The following ZNF518A variants were observed in gnomAD, a reference collection of about 807,000 sequenced individuals.
ZNF518A encodes zinc finger protein 518.
Under a neutral mutation model 102.7 loss-of-function variants are expected in ZNF518A, and 47 were observed. That is an observed-to-expected ratio of 0.46 (90% CI 0.36 to 0.58). The LOEUF (loss-of-function observed/expected upper bound fraction) is 0.58, where lower values mean the gene tolerates loss of function less well. Among genes scored for constraint, ZNF518A ranks in the 20% least tolerant of loss-of-function variants. The probability of loss-of-function intolerance (pLI) is 0.00; values close to 1 mark genes in which losing one functional copy is unlikely to be tolerated. For missense variants in ZNF518A, 1,793 were observed against 1,699.8 expected, an observed-to-expected ratio of 1.05 and a Z score of -0.96; for synonymous variants, 652 against 594.6, an observed-to-expected ratio of 1.10 and a Z score of -1.40.
At position 96,157,801 on chromosome 10, in the gene ZNF518A, A is replaced by G. The variant is rs1554883830; in HGVS notation, c.1479A>G (p.Gly493=). The part of the protein sequence containing the change: ...NLQPQTLDTN[G]FLTGVTTELN... Reference sequence around the variant, plus strand: ...AGCCCCAGACTTTGGACACTAATGGATTTTTAACAGGAGTAACAACTGAGT... The same window carrying G: ...AGCCCCAGACTTTGGACACTAATGGGTTTTTAACAGGAGTAACAACTGAGT... Residue 493 remains glycine, a synonymous_variant, in exon 6 of 6, where the codon GGA becomes GGG. Coordinates refer to ENST00000316045, the MANE Select transcript of ZNF518A (RefSeq NM_001330736.2). 1 of 1,613,886 alleles carries G rather than the reference A, an allele frequency of 6.2e-7. No homozygotes were observed. Among genetic ancestry groups the G allele is most frequent in the South Asian group, 1.1e-5 (1 of 91,076 alleles).
At position 96,158,120 on chromosome 10, in the gene ZNF518A, A is replaced by G. The variant is rs782611746; in HGVS notation, c.1798A>G (p.Lys600Glu). Reference protein sequence around the residue: ...VLGTTIKSPDKVNCVAKPNAY... With the variant: ...VLGTTIKSPDEVNCVAKPNAY... The stretch of plus-strand genomic sequence containing the variant: ...AGGTACCACCATTAAAAGTCCAGAT[A>G]AAGTCAACTGTGTTGCCAAACCAAA... The change falls in exon 6 of 6, where the codon AAA becomes GAA. Residue 600 changes from lysine to glutamate, a missense_variant. Physicochemically the swap from Lys to Glu is moderately conservative, Grantham distance 56. Around this residue, in one of 3 missense-constraint regions of ZNF518A, gnomAD observed 1,741 missense variants for 1,622.6 expected, o/e 1.07. Coordinates refer to ENST00000316045, the MANE Select transcript of ZNF518A (RefSeq NM_001330736.2). 2 of 1,613,596 alleles carry G rather than the reference A, an allele frequency of 1.2e-6. No homozygotes were observed. Among genetic ancestry groups the G allele is most frequent in the South Asian group, 2.2e-5 (2 of 91,060 alleles).
At chr10:96,168,755 A>T (rs2083157574), downstream of ZNF518A, among the ~76,000 whole-genome samples, 1 of 151,232 alleles carries the variant, frequency 6.6e-6, no homozygotes, top group South Asian at 2.1e-4. Context: ...GGATGTGATG[A>T]CTCACTTCTT....
Position 96,161,133 on chromosome 10 carries a change from T to C in ZNF518A, c.*359T>C, listed in dbSNP as rs587759423. 2.2e-5 allele frequency: 4 copies of C among 180,568 alleles called. No homozygotes were observed. In the East Asian group the frequency reaches 6.8e-4, roughly 31 times the overall value. 11.2% of individuals were successfully genotyped at this position (180,568 alleles called of 1,614,324 possible). On this transcript the variant is annotated 3_prime_UTR_variant, in exon 6 of 6. Coordinates refer to ENST00000316045, the MANE Select transcript of ZNF518A (RefSeq NM_001330736.2). ...TGGCTGACACCCCCATTCCCTCTCT[T>C]CTTCCACCAGCCTTATGCATCTAAG...
intron 1 of ZNF518A, among the ~76,000 whole-genome samples, chr10:96,173,703 T>C (rs1010997448): frequency 5.3e-5 from 8 of 152,126 alleles, no homozygotes; most frequent in Non-Finnish European, 8.8e-5. Flanking sequence ...TACTCCACTT[T>C]GCATAAATGA....
At chr10:96,140,956 G>C (rs1214331102) in intron 3 of ZNF518A, among the ~76,000 whole-genome samples, 3 of 151,910 alleles carry the variant, frequency 2.0e-5, no homozygotes, top group African/African-American at 7.3e-5. Flanking sequence ...AAAAAAAGAT[G>C]GGGGGTTGTG....
intron 3 of ZNF518A, among the ~76,000 whole-genome samples, chr10:96,154,995 G>A (rs1376843376): frequency 4.6e-5 from 7 of 152,096 alleles, no homozygotes; most frequent in African/African-American, 9.7e-5. Flanking sequence ...TTATGGATGA[G>A]GAGCTTAATG....
chr10:96,150,743 CTTTTTTTT>C (rs10675397), intron 3 of ZNF518A, among the ~76,000 whole-genome samples: 2 of 30,292 alleles, frequency 6.6e-5, no homozygotes, highest in Non-Finnish European at 1.1e-4. Flanking sequence ...TCTTTCTTTC[CTTTTTTTT>C]TTTTTTTTTT....
Position 96,154,454 on chromosome 10 carries a change from CCTT to C in ZNF518A, c.-301-868_-301-866del, listed in dbSNP as rs755547665. 1.7e-3 allele frequency among the ~76,000 whole-genome samples: 259 copies of C among 150,888 alleles called. 3 individuals carry two copies. Among genetic ancestry groups the C allele is most frequent in the Middle Eastern group, 3.4e-3 (1 of 292 alleles). ...TTTTCTTTTTTTTCCTTCCTTCCTG[CCTT>C]CTTTTCTTTTTTTTCTTTTCTTTTC... On this transcript the variant is annotated intron_variant, in intron 3 of 5. Transcript: ENST00000316045.
intron 3 of ZNF518A, among the ~76,000 whole-genome samples, chr10:96,150,449 A>G (rs889157400): frequency 2.0e-5 from 3 of 151,092 alleles, no homozygotes; most frequent in Non-Finnish European, 4.4e-5. Flanking sequence ...TTATCTTTTA[A>G]GCTAGAAATT....
At chr10:96,191,174 T>C (rs2039500080) in intron 1 of ZNF518A, among the ~76,000 whole-genome samples, 2 of 151,700 alleles carry the variant, frequency 1.3e-5, no homozygotes, top group African/African-American at 4.8e-5. Context: ...GCTTCTTCTT[T>C]GCCTTCTGCC....
rs1554887250 is a variant in ZNF518A, at chr10:96,160,440, A to G, written c.4118A>G (p.His1373Arg). Residue 1373 changes from histidine to arginine, a missense_variant, in exon 6 of 6, where the codon CAT becomes CGT. By Grantham distance (29) the His-to-Arg change is conservative. Coordinates refer to ENST00000316045, the MANE Select transcript of ZNF518A (RefSeq NM_001330736.2). ...AAAACTATTGCTAAATTTAATGGAC[A>G]TGTACTTAAGGTTTCATTGTCAAAA... Reference protein sequence around the residue: ...VMKTIAKFNGHVLKVSLSKRT... With the variant: ...VMKTIAKFNGRVLKVSLSKRT... 5 of 1,613,538 alleles carry G rather than the reference A, an allele frequency of 3.1e-6. No individual in the cohort carries two copies. The highest frequency in any genetic ancestry group is 1.1e-5 in the South Asian group (1 of 91,030).
chr10:96,198,713 C>T (rs2083540763), intron 1 of ZNF518A, among the ~76,000 whole-genome samples: 2 of 152,118 alleles, frequency 1.3e-5, no homozygotes, highest in Non-Finnish European at 2.9e-5. Context: ...TCTTTTTATT[C>T]CCCCACAGCA....
rs782251079 is a variant in ZNF518A at position 96,158,341 on chromosome 10, T to G, written c.2019T>G (p.Val673=). Residue 673 remains valine (V), a synonymous_variant, in exon 6 of 6, where the codon GTT becomes GTG. Coordinates refer to ENST00000316045, the MANE Select transcript of ZNF518A (RefSeq NM_001330736.2). ...GAGAATCTTCATCCAGCAAAACAGTTGTCCAACAACCAATTAGTGAATCAT... is the reference window on the plus strand; with the variant it reads ...GAGAATCTTCATCCAGCAAAACAGTGGTCCAACAACCAATTAGTGAATCAT... The part of the protein sequence containing the change: ...PQRESSSSKT[V]VQQPISESFL... The G allele has an allele frequency of 6.2e-7, 1 of 1,613,788 alleles. No homozygotes were observed. Among genetic ancestry groups the G allele is most frequent in the Non-Finnish European group, 8.5e-7 (1 of 1,179,770 alleles).
upstream of ZNF518A, chr10:96,129,859 G>A (rs1461766467): frequency 4.6e-5 from 7 of 152,626 alleles, no homozygotes; most frequent in Admixed American, 1.3e-4. Context: ...AGAGGTAGTA[G>A]TGGGTCACTG....
At position 96,163,303 on chromosome 10, in the gene ZNF518A, G is replaced by A. The variant is rs747508649; in HGVS notation, c.*2529G>A. The A allele has an allele frequency of 5.2e-5, 8 of 155,202 alleles. No homozygotes were observed. The highest frequency in any genetic ancestry group is 1.1e-4 in the Non-Finnish European group (7 of 62,876). 9.6% of individuals were successfully genotyped at this position (155,202 alleles called of 1,614,324 possible). On this transcript the variant is annotated 3_prime_UTR_variant, in exon 6 of 6. Transcript: ENST00000316045. ...CCATTGCAGAAAATCCAAAACAAAA[G>A]CCTGTATCCTTTATTTTTTGTGTGT... is the stretch of plus-strand genomic sequence containing the variant.
At chr10:96,190,323 T>C (rs1332000519) in intron 1 of ZNF518A, 8 of 580,158 alleles carry the variant, frequency 1.4e-5, no homozygotes, top group Non-Finnish European at 2.5e-5. Flanking sequence ...GTAGTATTGT[T>C]CCTGTGTGTC....
At chr10:96,146,616 A>G (rs2082184167) in intron 3 of ZNF518A, among the ~76,000 whole-genome samples, 1 of 152,196 alleles carries the variant, frequency 6.6e-6, no homozygotes, top group Admixed American at 6.5e-5. Flanking sequence ...TTTTATTATG[A>G]AATGTGTTTA....
chr10:96,133,362 G>A (rs2081435569), intron 2 of ZNF518A, among the ~76,000 whole-genome samples: 1 of 152,126 alleles, frequency 6.6e-6, no homozygotes, highest in South Asian at 2.1e-4. Context: ...TTATGAATCA[G>A]GAAAGGGACT....
chr10:96,183,753 A>G lies in ZNF518A; in HGVS notation n.36-19821A>G, dbSNP rs2083254137. On this transcript the variant is annotated intron_variant and non_coding_transcript_variant, in intron 1 of 2. Transcript: ENST00000442635. ...TTCCAACTATGTGGTCAATTTTGGA[A>G]TAAGTGCAATGTGGTGATGAGAATA... Among the ~76,000 whole-genome samples, 4 of 152,298 alleles carry G rather than the reference A, an allele frequency of 2.6e-5. 1 individual carries two copies. The highest frequency in any genetic ancestry group is 4.8e-5 in the African/African-American group (2 of 41,566).
Sources: allele counts gnomAD v4.1 joint callset (sites outside exome capture counted in the v4.1 genomes callset), GRCh38; gene constraint gnomAD v4.1.1; regional missense constraint gnomAD v4.1.1; transcripts MANE v1.5; gene names NCBI Gene and HGNC (gene_info 2026-07-23, HGNC 2026-07-21).